Variants in NLRP11 observed in about 807,000 individuals in gnomAD.
NLRP11 encodes the protein NACHT, LRR and PYD domains-containing protein 11.
Under a neutral mutation model 79.3 loss-of-function variants are expected in NLRP11, and 53 were observed. The observed-to-expected ratio is 0.67, with a 90% CI of 0.54 to 0.84. NLRP11 has a LOEUF of 0.84. NLRP11 is among the 40% of genes least tolerant of loss of function. NLRP11 has a pLI of 0.00. For synonymous variants in NLRP11, 518 were observed against 462.6 expected (o/e 1.12, Z -1.54); for missense variants, 1,264 against 1,255.0 (o/e 1.01, Z -0.11).
At chr19:55,785,525 ACAC>A in exon 10 of NLRP11, 1 of 1,063,202 alleles carries the variant, frequency 9.4e-7, no homozygotes, top group Non-Finnish European at 1.4e-6. Flanking sequence ...ACACACACAC[ACAC>A]ACACACACAC....
Position 55,801,743 on chromosome 19 carries a change from T to C in NLRP11, c.2004-4A>G. On this transcript the variant is annotated splice_polypyrimidine_tract_variant and splice_region_variant and intron_variant, in intron 4 of 9. Coordinates refer to ENST00000589093, the Ensembl canonical transcript of NLRP11. ...AGCAGTCGAGACATAGGACAACCTG[T>C]GGAAGACATAATAGCAGGAAAGCAC... 1.2e-6 allele frequency: 2 copies of C among 1,613,824 alleles called. No homozygotes were observed. The highest frequency in any genetic ancestry group is 1.7e-6 in the Non-Finnish European group (2 of 1,179,718).
intron 6 of NLRP11, among the ~76,000 whole-genome samples, chr19:55,793,618 TACTG>T (rs1978508914): frequency 1.2e-5 from 1 of 86,898 alleles, no homozygotes; most frequent in Non-Finnish European, 2.3e-5. Context: ...TGGTTGGAAA[TACTG>T]AATCTTGGCT....
chr19:55,787,429 C>T (rs567204967), intron 9 of NLRP11, among the ~76,000 whole-genome samples: 146 of 152,294 alleles, frequency 9.6e-4, no homozygotes, highest in African/African-American at 3.4e-3. Context: ...CTCCGCCTCC[C>T]AGGTTCAAGT....
chr19:55,822,962 G>A (rs1981929576), intron 1 of NLRP11, among the ~76,000 whole-genome samples: 2 of 152,108 alleles, frequency 1.3e-5, no homozygotes, highest in Non-Finnish European at 2.9e-5. Context: ...TGGGGGCAGG[G>A]CACAGACAAA....
Position 55,797,999 on chromosome 19 carries a change from ATT to A in NLRP11, c.2172-1751_2172-1750del, listed in dbSNP as rs376926915. 3.6e-5 allele frequency among the ~76,000 whole-genome samples: 5 copies of A among 139,984 alleles called. No individual in the cohort carries two copies. The East Asian group carries it at 6.5e-4, about 18-fold the overall frequency. The allele number at this position is 139,984 out of a possible 152,430, so 91.8% of individuals were successfully genotyped here. ...AAATGGTGTATTCTATATTATTATTATTTTTTTTTTTTTTGAGATGGAGTTTT... is the reference window on the plus strand; with the variant it reads ...AAATGGTGTATTCTATATTATTATTATTTTTTTTTTTTGAGATGGAGTTTT... On this transcript the variant is annotated intron_variant, in intron 5 of 9. Transcript: ENST00000589093.
At position 55,809,260 on chromosome 19, in the gene NLRP11, GT is replaced by G. The variant is rs1568636285; in HGVS notation, c.1349del (p.His450ProfsTer2). On this transcript the variant is annotated frameshift_variant, in exon 3 of 10. Coordinates refer to ENST00000589093, the Ensembl canonical transcript of NLRP11. LOFTEE classifies it high-confidence loss of function. The surrounding 1 kb of genome is among the most constrained non-coding windows in gnomAD (Gnocchi z 4.5). ...CTGTACAAAACTCCTGGACGTTCAA[GT>G]GTATGAACTTGTAACGGTCTTTATG... 4 of 1,613,924 alleles carry G rather than the reference GT, an allele frequency of 2.5e-6. No individual in the cohort carries two copies. The highest frequency in any genetic ancestry group is 1.7e-6 in the Non-Finnish European group (2 of 1,179,912).
exon 3 of NLRP11, chr19:55,810,022 G>C (rs199810039): frequency 6.2e-7 from 1 of 1,614,178 alleles, no homozygotes; most frequent in African/African-American, 1.3e-5. Context: ...CCAAGCTGCT[G>C]TTGGTCATCT....
chr19:55,806,716 C>T (rs557199195), intron 4 of NLRP11, among the ~76,000 whole-genome samples: 1 of 152,328 alleles, frequency 6.6e-6, no homozygotes, highest in East Asian at 1.9e-4. Context: ...CCTCACCTCA[C>T]TCCAGAAAAC....
intron 4 of NLRP11, among the ~76,000 whole-genome samples, chr19:55,805,841 A>G (rs564965686): frequency 6.6e-6 from 1 of 152,046 alleles, no homozygotes; most frequent in Non-Finnish European, 1.5e-5. Flanking sequence ...CACCCGCCCT[A>G]AAAGTCTTCA....
chr19:55,819,169 A>ACC (rs2122877302), intron 1 of NLRP11, among the ~76,000 whole-genome samples: 1 of 123,722 alleles, frequency 8.1e-6, no homozygotes, highest in South Asian at 2.4e-4. Context: ...ACACACACAC[A>ACC]CACACACACA....
upstream of NLRP11, among the ~76,000 whole-genome samples, chr19:55,833,158 T>A (rs1267943911): frequency 6.6e-6 from 1 of 152,162 alleles, no homozygotes; most frequent in Non-Finnish European, 1.5e-5. Flanking sequence ...AGATTGTAAA[T>A]CTTATTGAAT....
intron 1 of NLRP11, among the ~76,000 whole-genome samples, chr19:55,822,727 T>C (rs371251771): frequency 0.031 from 4,668 of 151,922 alleles, 185 homozygotes; most frequent in African/African-American, 0.089. Flanking sequence ...CGGCGCACCA[T>C]GAGACTATAT....
rs779313424 is a variant in NLRP11, at chr19:55,809,856, T to C, written c.754A>G (p.Lys252Glu). ...ACCAGGAGAACTGGAATGGGAACTT[T>C]CTGGGTGCTGTTACTACACAAAGCA... Residue 252 changes from lysine to glutamate, a missense_variant, in exon 3 of 10, where the codon AAA becomes GAA. Physicochemically the swap from Lys to Glu is moderately conservative, Grantham distance 56. Transcript: ENST00000589093. The surrounding 1 kb of genome is among the most constrained non-coding windows in gnomAD (Gnocchi z 4.5). The C allele has an allele frequency of 5.0e-6, 8 of 1,614,074 alleles. No individual in the cohort carries two copies. In the Middle Eastern group the frequency reaches 4.9e-4, roughly 99 times the overall value.
exon 4 of NLRP11, chr19:55,807,941 G>A (rs1439754195): frequency 1.2e-6 from 2 of 1,610,734 alleles, no homozygotes; most frequent in Admixed American, 3.3e-5. Flanking sequence ...TCAAAGATAT[G>A]CAGCTCCCGG....
intron 8 of NLRP11, 28 bp downstream of exon 8, chr19:55,789,201 C>A: frequency 6.3e-7 from 1 of 1,588,570 alleles, no homozygotes; most frequent in South Asian, 1.2e-5. Flanking sequence ...TAGCTAAAGG[C>A]AGGGATCTTT....
intron 1 of NLRP11, among the ~76,000 whole-genome samples, chr19:55,819,126 TACACACACACACACACACACACAC>T (rs59055964): frequency 0.062 from 6,494 of 105,228 alleles, 413 homozygotes; most frequent in African/African-American, 0.15. Flanking sequence ...TGGTATCGCC[TACACACACACACACACACACACAC>T]ACACACACAC....
chr19:55,799,126 G>T (rs1041848654), intron 5 of NLRP11, among the ~76,000 whole-genome samples: 2 of 152,136 alleles, frequency 1.3e-5, no homozygotes, highest in Non-Finnish European at 2.9e-5. Flanking sequence ...AGTTAGCTGG[G>T]TGTGGTGGTG....
intron 6 of NLRP11, among the ~76,000 whole-genome samples, chr19:55,794,155 C>G (rs1978567635): frequency 6.6e-6 from 1 of 152,042 alleles, no homozygotes; most frequent in South Asian, 2.1e-4. Flanking sequence ...TAAAAATGTT[C>G]TAAAATTATA....
At chr19:55,821,519 C>T (rs1425469538) in intron 1 of NLRP11, among the ~76,000 whole-genome samples, 2 of 152,226 alleles carry the variant, frequency 1.3e-5, no homozygotes, top group African/African-American at 4.8e-5. Flanking sequence ...GGATGGCATT[C>T]AACACCTGAC....
Sources: gnomAD v4.1 joint callset for allele counts (sites outside exome capture counted in the v4.1 genomes callset) on GRCh38, gnomAD v4.1.1 for gene constraint, Gnocchi (gnomAD v3.1) non-coding constraint, MANE v1.5 for transcripts, NCBI Gene and HGNC (gene_info 2026-07-23, HGNC 2026-07-21) for gene names.